The following MEST variants were observed in gnomAD, a reference collection of about 807,000 sequenced individuals.
MEST encodes mesoderm specific transcript.
A neutral mutation model predicts 50.9 loss-of-function variants in MEST; 18 were observed. That is an observed-to-expected ratio of 0.35 (90% CI 0.24 to 0.52). MEST has a LOEUF of 0.52. Ranked by LOEUF, MEST falls within the 20% of genes least tolerant of loss-of-function variation. MEST has a pLI of 0.94. For synonymous variants in MEST, 130 were observed against 154.1 expected (o/e 0.84, Z 1.16); for missense variants, 282 against 425.3 (o/e 0.66, Z 2.96).
Position 130,500,413 on chromosome 7 carries a change from G to T in MEST, c.577-49G>T. 1 of 1,537,820 alleles carries T rather than the reference G, an allele frequency of 6.5e-7. No homozygotes were observed. The highest frequency in any genetic ancestry group is 2.3e-5 in the East Asian group (1 of 44,294). ...AGTATAAAACCTTTTGCCCCGGTGA[G>T]GATCTTCCTCTGGGTTCTTGAGCTT... On this transcript the variant is annotated intron_variant, in intron 7 of 11. Coordinates refer to ENST00000223215, the MANE Select transcript of MEST (RefSeq NM_002402.4). This position sits in a 1 kb window ranked among gnomAD's most constrained non-coding sequence, Gnocchi z 5.0.
intron 10 of MEST, among the ~76,000 whole-genome samples, chr7:130,503,000 G>T (rs1490203695): frequency 1.3e-4 from 20 of 152,062 alleles, no homozygotes; most frequent in Admixed American, 1.3e-3. Context: ...ATGACATCTG[G>T]AACAGTGATG....
intron 10 of MEST, among the ~76,000 whole-genome samples, chr7:130,503,269 A>G (rs1279168369): frequency 1.3e-5 from 2 of 152,228 alleles, no homozygotes; most frequent in African/African-American, 4.8e-5. Context: ...GTTGATTTCA[A>G]ATGTCAAGGG....
At chr7:130,501,181 G>A (rs1449069516) in intron 9 of MEST, 3 of 251,236 alleles carry the variant, frequency 1.2e-5, no homozygotes, top group African/African-American at 4.5e-5. Context: ...CTGCAGCAAC[G>A]GGGAGTGAGA....
upstream of MEST, chr7:130,488,668 G>A (rs1798694277): frequency 6.6e-6 from 1 of 152,258 alleles, no homozygotes; most frequent in Admixed American, 6.5e-5. Flanking sequence ...TATGTTGGGT[G>A]AAGATCCATG....
At chr7:130,488,085 G>A (rs1329879087), upstream of MEST, 2 of 152,134 alleles carry the variant, frequency 1.3e-5, no homozygotes, top group Non-Finnish European at 2.9e-5. Context: ...AGACTGAGCT[G>A]TGAATTTGTC....
chr7:130,499,809 C>G, intron 6 of MEST, 66 bp from the exon 7 acceptor site: 1 of 1,356,694 alleles, frequency 7.4e-7, no homozygotes, highest in Non-Finnish European at 1.0e-6. Context: ...CCAGTGAGAT[C>G]CCGTCTCTAT....
chr7:130,486,705 G>T (rs1278831486), intron 1 of MEST: 1 of 152,232 alleles, frequency 6.6e-6, no homozygotes, highest in Non-Finnish European at 1.5e-5. Flanking sequence ...AACCCTCGCC[G>T]AGGCTTGACC....
intron 9 of MEST, among the ~76,000 whole-genome samples, chr7:130,502,275 T>A (rs76908136): frequency 3.9e-5 from 6 of 152,160 alleles, no homozygotes; most frequent in Non-Finnish European, 4.4e-5. Flanking sequence ...TTGAAAGATC[T>A]GTGTTATATG....
rs1179063345 is a variant in MEST at position 130,506,161 on chromosome 7, T to G, written c.*1105T>G. 3 of 152,578 alleles carry G rather than the reference T, an allele frequency of 2.0e-5. No homozygotes were observed. The highest frequency in any genetic ancestry group is 4.4e-5 in the Non-Finnish European group (3 of 68,046). The allele number at this position is 152,578 out of a possible 1,614,324, so 9.5% of individuals were successfully genotyped here. ...CTTTTTTTTTAAAGCCACATTTCAT[T>G]GTCTTAGTCAAAGCAGGATTATTAA... On this transcript the variant is annotated 3_prime_UTR_variant, in exon 12 of 12. Transcript: ENST00000223215.
At chr7:130,495,007 C>T (rs1218678993) in intron 1 of MEST, among the ~76,000 whole-genome samples, 7 of 152,026 alleles carry the variant, frequency 4.6e-5, no homozygotes, top group South Asian at 4.1e-4. Flanking sequence ...TAAAAGTCAA[C>T]GAAAGAGTGT....
intron 10 of MEST, 57 bp downstream of exon 10, chr7:130,502,777 G>A (rs191143784): frequency 1.7e-5 from 22 of 1,274,648 alleles, no homozygotes; most frequent in Admixed American, 6.9e-5. Context: ...TAAAGTAATC[G>A]CAACTCCTTT....
At chr7:130,494,853 G>A (rs781825281) in intron 1 of MEST, 1 of 984,238 alleles carries the variant, frequency 1.0e-6, no homozygotes, top group Non-Finnish European at 1.2e-6. Context: ...CATGTGATAA[G>A]TTACTACACA....
chr7:130,502,604 G>C (rs1554438736), intron 9 of MEST, 40 bp from the exon 10 acceptor site: 1 of 1,483,400 alleles, frequency 6.7e-7, no homozygotes, highest in Admixed American at 1.7e-5. Flanking sequence ...TAACAGTAAA[G>C]GTTTCTTGTT....
At chr7:130,495,579 G>C in intron 2 of MEST, 57 bp downstream of exon 2, 1 of 1,558,324 alleles carries the variant, frequency 6.4e-7, no homozygotes. Flanking sequence ...TCCCAGCTGA[G>C]GTATTTATTT....
intron 1 of MEST, among the ~76,000 whole-genome samples, chr7:130,493,806 T>C (rs1272163079): frequency 6.6e-6 from 1 of 152,162 alleles, no homozygotes. Flanking sequence ...AATGTATACA[T>C]TGAAGTACAG....
In MEST at chr7:130,500,679, C is replaced by A; in HGVS notation, c.648-110C>A. The A allele has an allele frequency of 8.4e-7, 1 of 1,194,994 alleles. No homozygotes were observed. Among genetic ancestry groups the A allele is most frequent in the Non-Finnish European group, 1.2e-6 (1 of 837,682 alleles). The allele number at this position is 1,194,994 out of a possible 1,614,324, so 74.0% of individuals were successfully genotyped here. A position where few individuals can be genotyped will look rare whatever the true frequency, so the allele number is the denominator to read the frequency against. The stretch of plus-strand genomic sequence containing the variant: ...GGAAGTAGAAGGAATTCATAAATCA[C>A]TTATGGGTCAGACTGCATGGCCCAG... On this transcript the variant is annotated intron_variant, in intron 8 of 11. Coordinates refer to ENST00000223215, the MANE Select transcript of MEST (RefSeq NM_002402.4). This position sits in a 1 kb window ranked among gnomAD's most constrained non-coding sequence, Gnocchi z 5.0.
exon 12 of MEST, chr7:130,506,438 ACCCAAAGCTGCACTATCGT>A (rs1799484259): frequency 1.2e-5 from 3 of 243,674 alleles, no homozygotes; most frequent in Non-Finnish European, 2.4e-5. Context: ...TTTCAAGATC[ACCCAAAGCTGCACTATCGT>A]CCCAAAGCTG....
Position 130,498,487 on chromosome 7 carries a change from T to C in MEST, c.535+10T>C, listed in dbSNP as rs782632594. On this transcript the variant is annotated intron_variant, in intron 6 of 11. Transcript: ENST00000223215. ...TGTCTGTCAAATGGAGGTAATTGCC[T>C]TGGCGGTAGGTAGAAAGTGGGTGTA... 6.2e-7 allele frequency: 1 copy of C among 1,613,972 alleles called. No individual in the cohort carries two copies. Among genetic ancestry groups the C allele is most frequent in the Non-Finnish European group, 8.5e-7 (1 of 1,179,860 alleles).
At chr7:130,503,777 C>T (rs1234112223) in intron 10 of MEST, among the ~76,000 whole-genome samples, 156 bp from the exon 11 acceptor site, 1 of 152,184 alleles carries the variant, frequency 6.6e-6, no homozygotes, top group East Asian at 1.9e-4. Context: ...GACTGCACCA[C>T]TGCACTCCAG....
Sources: allele counts gnomAD v4.1 joint callset (sites outside exome capture counted in the v4.1 genomes callset), GRCh38; gene constraint gnomAD v4.1.1; non-coding constraint Gnocchi (gnomAD v3.1); transcripts MANE v1.5; gene names NCBI Gene and HGNC (gene_info 2026-07-23, HGNC 2026-07-21).